The following INPP4B variants were observed in gnomAD, a reference collection of about 807,000 sequenced individuals.
INPP4B encodes the protein inositol polyphosphate-4-phosphatase type II B.
Under a neutral mutation model 122.5 loss-of-function variants are expected in INPP4B, and 55 were observed. The observed-to-expected ratio is 0.45, with a 90% CI of 0.36 to 0.56. INPP4B has a LOEUF of 0.56. Ranked by LOEUF, INPP4B falls within the 20% of genes least tolerant of loss-of-function variation. The probability of loss-of-function intolerance (pLI) is 0.00; values close to 1 mark genes in which losing one functional copy is unlikely to be tolerated. For synonymous variants in INPP4B, 403 were observed against 388.7 expected (o/e 1.04, Z -0.43); for missense variants, 1,000 against 1,097.7 (o/e 0.91, Z 1.26).
At chr4:142,661,569 ATAGT>A (rs1460901434) in intron 2 of INPP4B, among the ~76,000 whole-genome samples, 4 of 152,234 alleles carry the variant, frequency 2.6e-5, no homozygotes, top group African/African-American at 9.6e-5. Flanking sequence ...ATCTTTTATA[ATAGT>A]TAAACACTGT....
chr4:142,311,089 A>T (rs1765345997), intron 8 of INPP4B, among the ~76,000 whole-genome samples: 1 of 152,156 alleles, frequency 6.6e-6, no homozygotes, highest in Non-Finnish European at 1.5e-5. Flanking sequence ...AAGCCCTTGT[A>T]TGTTGTAATG....
At chr4:142,254,831 T>C (rs1734775596) in intron 11 of INPP4B, among the ~76,000 whole-genome samples, 2 of 151,900 alleles carry the variant, frequency 1.3e-5, no homozygotes, top group Non-Finnish European at 2.9e-5. Context: ...AGGCCAACAT[T>C]CAGATTCAGG....
chr4:142,229,127 T>C (rs1852971701), intron 12 of INPP4B, among the ~76,000 whole-genome samples: 1 of 151,390 alleles, frequency 6.6e-6, no homozygotes, highest in African/African-American at 2.4e-5. Context: ...TATAAGGTTT[T>C]CTACATTTAA....
At chr4:142,374,567 T>C (rs1791141593) in intron 7 of INPP4B, among the ~76,000 whole-genome samples, 1 of 151,844 alleles carries the variant, frequency 6.6e-6, no homozygotes, top group South Asian at 2.1e-4. Context: ...TCTACATGAG[T>C]TTTTAAATTA....
intron 11 of INPP4B, among the ~76,000 whole-genome samples, chr4:142,254,280 T>G (rs1227926446): frequency 6.7e-6 from 1 of 148,682 alleles, no homozygotes; most frequent in Non-Finnish European, 1.5e-5. Flanking sequence ...AACTGGAAAC[T>G]CTAAAAAGCA....
chr4:142,249,942 T>A (rs1490864774), intron 11 of INPP4B, among the ~76,000 whole-genome samples: 1 of 152,156 alleles, frequency 6.6e-6, no homozygotes, highest in African/African-American at 2.4e-5. Context: ...TAGTTTAAAG[T>A]TTTCTTAGTA....
intron 8 of INPP4B, 183 bp from the exon 9 acceptor site, chr4:142,305,720 G>A: frequency 1.4e-6 from 2 of 1,421,102 alleles, no homozygotes; most frequent in Non-Finnish European, 1.8e-6. Context: ...AGGATTAAAG[G>A]GTGAAAATGT....
chr4:142,789,514 A>G (rs916385248), intron 1 of INPP4B, among the ~76,000 whole-genome samples: 2 of 152,088 alleles, frequency 1.3e-5, no homozygotes, highest in African/African-American at 4.8e-5. Context: ...GAATATACCT[A>G]ATGAAGGAGG....
intron 2 of INPP4B, among the ~76,000 whole-genome samples, chr4:142,545,709 G>GTGTGTATATACACCTA: frequency 9.3e-6 from 1 of 107,084 alleles, no homozygotes; most frequent in South Asian, 3.0e-4. Flanking sequence ...GTATATATAT[G>GTGTGTATATACACCTA]TGTGTGTATA....
intron 18 of INPP4B, among the ~76,000 whole-genome samples, chr4:142,144,915 CT>C (rs916097843): frequency 4.0e-5 from 6 of 150,940 alleles, no homozygotes; most frequent in East Asian, 1.9e-4. Flanking sequence ...TCTTATGACT[CT>C]TTTTTTTTAA....
chr4:142,416,816 C>T (rs1019648145), intron 5 of INPP4B, among the ~76,000 whole-genome samples: 1 of 152,020 alleles, frequency 6.6e-6, no homozygotes, highest in Non-Finnish European at 1.5e-5. Flanking sequence ...TTGAGGGTGT[C>T]GATTCTTCTG....
intron 2 of INPP4B, among the ~76,000 whole-genome samples, chr4:142,683,310 C>G (rs565259231): frequency 6.6e-6 from 1 of 151,752 alleles, no homozygotes; most frequent in South Asian, 2.1e-4. Context: ...AACAGTGGAA[C>G]AAAACAAAGT....
intron 25 of INPP4B, among the ~76,000 whole-genome samples, chr4:142,043,384 A>G (rs1342228347): frequency 6.6e-6 from 1 of 152,204 alleles, no homozygotes; most frequent in African/African-American, 2.4e-5. Context: ...AATAACTTCC[A>G]AGGTACAGCT....
intron 3 of INPP4B, among the ~76,000 whole-genome samples, chr4:142,448,325 T>C: frequency 2.4e-5 from 2 of 83,124 alleles, no homozygotes; most frequent in Non-Finnish European, 4.3e-5. Flanking sequence ...TTCCTATCCA[T>C]CTCCAAAAAA....
At chr4:142,071,481 C>G (rs1379921529) in intron 25 of INPP4B, among the ~76,000 whole-genome samples, 1 of 152,136 alleles carries the variant, frequency 6.6e-6, no homozygotes, top group African/African-American at 2.4e-5. Flanking sequence ...CCAAAATGGA[C>G]AAATGGGATC....
At chr4:142,239,902 A>G (rs909206634) in intron 11 of INPP4B, among the ~76,000 whole-genome samples, 2 of 151,988 alleles carry the variant, frequency 1.3e-5, no homozygotes, top group African/African-American at 4.8e-5. Context: ...GATCACACAG[A>G]ACTTTTGTAT....
intron 3 of INPP4B, among the ~76,000 whole-genome samples, chr4:142,449,377 C>A (rs187065619): frequency 6.6e-6 from 1 of 152,226 alleles, no homozygotes; most frequent in East Asian, 1.9e-4. Context: ...AAATGCAGAA[C>A]CTTGAGCCAC....
At chr4:142,603,725 A>T (rs1740589563) in intron 2 of INPP4B, among the ~76,000 whole-genome samples, 1 of 152,122 alleles carries the variant, frequency 6.6e-6, no homozygotes, top group Admixed American at 6.6e-5. Context: ...GTAACAAAAA[A>T]GTCTCCAAAG....
chr4:142,595,928 C>T (rs899457007), intron 2 of INPP4B, among the ~76,000 whole-genome samples: 2 of 152,028 alleles, frequency 1.3e-5, no homozygotes, highest in African/African-American at 4.8e-5. Flanking sequence ...TGGCTCACTG[C>T]AACTCCACCT....
Sources: gnomAD v4.1 joint callset for allele counts (sites outside exome capture counted in the v4.1 genomes callset) on GRCh38, gnomAD v4.1.1 for gene constraint, MANE v1.5 for transcripts, NCBI Gene and HGNC (gene_info 2026-07-23, HGNC 2026-07-21) for gene names.